Variants in GNG7 observed in about 807,000 individuals in gnomAD.
The protein encoded by GNG7 is guanine nucleotide-binding protein G(I)/G(S)/G(O) subunit gamma-7.
In GNG7, 1 loss-of-function variant was observed where a neutral mutation model predicts 4.0. The observed-to-expected ratio is 0.25, with a 90% CI of 0.09 to 1.18. The LOEUF (loss-of-function observed/expected upper bound fraction) is 1.18, where lower values mean the gene tolerates loss of function less well. Among genes scored for constraint, GNG7 ranks in the 50% most tolerant of loss-of-function variants. The probability of loss-of-function intolerance (pLI) is 0.50; values close to 1 mark genes in which losing one functional copy is unlikely to be tolerated. For missense variants in GNG7, 86 were observed against 91.9 expected (o/e 0.94, Z 0.26); for synonymous variants, 34 against 36.9 (o/e 0.92, Z 0.29).
chr19:2,552,542 G>T (rs1027665190), intron 3 of GNG7, among the ~76,000 whole-genome samples: 1 of 151,754 alleles, frequency 6.6e-6, no homozygotes, highest in Admixed American at 6.6e-5. Context: ...CCACCACCAC[G>T]CCTGGCTAAT....
At chr19:2,622,363 G>A (rs938400503) in intron 2 of GNG7, among the ~76,000 whole-genome samples, 2 of 152,252 alleles carry the variant, frequency 1.3e-5, no homozygotes, top group Admixed American at 1.3e-4. Flanking sequence ...ACAGGCATGA[G>A]CCACCGCGCC....
chr19:2,613,680 G>A (rs1981638153), intron 2 of GNG7, among the ~76,000 whole-genome samples: 2 of 146,466 alleles, frequency 1.4e-5, no homozygotes, highest in Admixed American at 1.4e-4. Context: ...GGGGACACTG[G>A]GCAATGTCTG....
chr19:2,553,005 G>C (rs1979383226), intron 3 of GNG7, among the ~76,000 whole-genome samples: 1 of 151,182 alleles, frequency 6.6e-6, no homozygotes, highest in African/African-American at 2.4e-5. Flanking sequence ...GTAAAGATCA[G>C]AGCAGCGATA....
intron 3 of GNG7, among the ~76,000 whole-genome samples, chr19:2,524,341 G>C (rs1246162579): frequency 6.6e-6 from 1 of 152,242 alleles, no homozygotes; most frequent in Non-Finnish European, 1.5e-5. Flanking sequence ...GTGTGTGTGT[G>C]TCTATGTTTA....
At chr19:2,515,270 C>T (rs769576443) in intron 4 of GNG7, 123 bp from the exon 5 acceptor site, 50 of 1,204,726 alleles carry the variant, frequency 4.2e-5, no homozygotes, top group African/African-American at 1.1e-4. Flanking sequence ...TTGATGGGGG[C>T]GTGGGCAAAC....
chr19:2,523,576 G>C (rs73516628), intron 3 of GNG7, among the ~76,000 whole-genome samples: 1 of 152,172 alleles, frequency 6.6e-6, no homozygotes, highest in African/African-American at 2.4e-5. Context: ...CTCAACTACG[G>C]TGATGAATCC....
intron 1 of GNG7, among the ~76,000 whole-genome samples, chr19:2,656,277 C>G (rs181404211): frequency 6.6e-6 from 1 of 152,180 alleles, no homozygotes; most frequent in African/African-American, 2.4e-5. Context: ...GATAGGAAAC[C>G]AACCTACATG....
chr19:2,699,284 G>A (rs547741935), intron 1 of GNG7, among the ~76,000 whole-genome samples: 1 of 152,000 alleles, frequency 6.6e-6, no homozygotes, highest in Non-Finnish European at 1.5e-5. Context: ...AAGTAGCTGG[G>A]ATTACAGGCG....
Position 2,623,460 on chromosome 19 carries a change from G to C in GNG7, c.-78+22764C>G, listed in dbSNP as rs1981934199. On this transcript the variant is annotated intron_variant, in intron 2 of 4. Coordinates refer to ENST00000382159, the MANE Select transcript of GNG7 (RefSeq NM_052847.3). ...CCAAGCGTCCATCAACAGATGGACA[G>C]ATAAACAGCATGGTGCATCTGTATG... Among the ~76,000 whole-genome samples the C allele has an allele frequency of 2.0e-5, 3 of 152,238 alleles. No homozygotes were observed. In the South Asian group the frequency reaches 6.2e-4, roughly 31 times the overall value.
At chr19:2,568,809 C>T (rs980196242) in intron 2 of GNG7, among the ~76,000 whole-genome samples, 12 of 141,604 alleles carry the variant, frequency 8.5e-5, no homozygotes, top group African/African-American at 3.2e-4. Flanking sequence ...CACATATATA[C>T]ACACACATAT....
At chr19:2,691,866 CA>C (rs10709787) in intron 1 of GNG7, among the ~76,000 whole-genome samples, 98,011 of 125,852 alleles carry the variant, frequency 0.78, 37,942 homozygotes, top group East Asian at 0.99. Flanking sequence ...GATTGCATCT[CA>C]AAAAAAAAAA....
intron 1 of GNG7, among the ~76,000 whole-genome samples, chr19:2,670,009 CAA>C (rs796312127): frequency 0.012 from 971 of 78,030 alleles, 10 homozygotes; most frequent in African/African-American, 0.037. Flanking sequence ...GACTCTGTCT[CAA>C]AAAAAAAAAA....
intron 2 of GNG7, among the ~76,000 whole-genome samples, chr19:2,587,916 A>T (rs1980725335): frequency 6.6e-6 from 1 of 151,702 alleles, no homozygotes; most frequent in South Asian, 2.1e-4. Flanking sequence ...AAGGAGAGAG[A>T]GAGAGAAGGA....
At chr19:2,656,536 G>T (rs557036031) in intron 1 of GNG7, among the ~76,000 whole-genome samples, 1 of 152,188 alleles carries the variant, frequency 6.6e-6, no homozygotes, top group African/African-American at 2.4e-5. Context: ...GGAGGCGGGG[G>T]TTGCAGTGCG....
intron 1 of GNG7, among the ~76,000 whole-genome samples, chr19:2,696,342 G>GAAAGAAAGAAAGAAAGAA (rs1162023444): frequency 3.1e-5 from 4 of 128,584 alleles, no homozygotes; most frequent in African/African-American, 1.3e-4. Flanking sequence ...AAGAAAGAAA[G>GAAAGAAAGAAAGAAAGAA]AAAGAAAAGA....
chr19:2,539,406 G>A (rs1439526846), intron 3 of GNG7, among the ~76,000 whole-genome samples: 2 of 150,776 alleles, frequency 1.3e-5, no homozygotes, highest in Non-Finnish European at 2.9e-5. Flanking sequence ...CCTGATTCAA[G>A]CGATTCTCCT....
chr19:2,682,054 C>T (rs1050726759), intron 1 of GNG7, among the ~76,000 whole-genome samples: 11 of 152,064 alleles, frequency 7.2e-5, no homozygotes, highest in Non-Finnish European at 7.4e-5. Context: ...GGATTACAGG[C>T]GCGCGCCACC....
At chr19:2,519,312 G>A (rs12985048) in intron 4 of GNG7, among the ~76,000 whole-genome samples, 86,028 of 150,252 alleles carry the variant, frequency 0.57, 24,629 homozygotes, top group Non-Finnish European at 0.59. Flanking sequence ...CACCATACCC[G>A]GGTAATCTTT....
chr19:2,550,614 T>C (rs1196902272), intron 3 of GNG7, among the ~76,000 whole-genome samples: 2 of 152,126 alleles, frequency 1.3e-5, no homozygotes, highest in African/African-American at 4.8e-5. Flanking sequence ...TCTGAGGGGC[T>C]TGTGCAGATG....
Sources: gnomAD v4.1 joint callset for allele counts (sites outside exome capture counted in the v4.1 genomes callset) on GRCh38, gnomAD v4.1.1 for gene constraint, MANE v1.5 for transcripts, NCBI Gene and HGNC (gene_info 2026-07-23, HGNC 2026-07-21) for gene names.